Variants in THADA observed in about 807,000 individuals in gnomAD.
The protein encoded by THADA is THADA armadillo repeat containing, also known as tRNA (32-2'-O)-methyltransferase regulator THADA.
THADA carries 213 observed loss-of-function variants against 219.8 expected under a neutral mutation model. The observed-to-expected ratio is 0.97, with a 90% CI of 0.87 to 1.09. THADA has a LOEUF of 1.09. Ranked by LOEUF, THADA falls within the 50% of genes least tolerant of loss-of-function variation. The pLI, the probability that THADA is intolerant of heterozygous loss-of-function variation, is 0.00. For missense variants in THADA, 2,956 were observed against 2,311.3 expected (o/e 1.28, Z -5.72); for synonymous variants, 1,018 against 828.9 (o/e 1.23, Z -3.92).
intron 4 of THADA, 113 bp from the exon 5 acceptor site, chr2:43,587,115 G>T: frequency 9.0e-7 from 1 of 1,110,226 alleles, no homozygotes; most frequent in Non-Finnish European, 1.3e-6. Flanking sequence ...TCAAAATACA[G>T]CCAGAAAACT....
intron 30 of THADA, among the ~76,000 whole-genome samples, chr2:43,338,951 A>G (rs559167106): frequency 3.3e-5 from 5 of 152,340 alleles, no homozygotes; most frequent in African/African-American, 1.2e-4. Flanking sequence ...TAGCTGTATC[A>G]CAAAGAGTTT....
intron 29 of THADA, among the ~76,000 whole-genome samples, chr2:43,356,235 G>C (rs1408020865): frequency 2.0e-5 from 3 of 152,242 alleles, no homozygotes; most frequent in Admixed American, 1.3e-4. Flanking sequence ...TTTGGGAAAT[G>C]ATATAGTTGG....
At chr2:43,496,808 C>A (rs963904980) in intron 25 of THADA, among the ~76,000 whole-genome samples, 1 of 152,076 alleles carries the variant, frequency 6.6e-6, no homozygotes, top group African/African-American at 2.4e-5. Flanking sequence ...ATATGATATA[C>A]CCAAAAGAAC....
intron 26 of THADA, among the ~76,000 whole-genome samples, chr2:43,444,905 A>G (rs1681324760): frequency 6.6e-6 from 1 of 152,222 alleles, no homozygotes; most frequent in African/African-American, 2.4e-5. Context: ...ACAGTAGTAA[A>G]GGTGTGGGTT....
chr2:43,316,620 G>A (rs527720415), intron 31 of THADA, among the ~76,000 whole-genome samples: 13 of 152,292 alleles, frequency 8.5e-5, no homozygotes, highest in African/African-American at 2.4e-4. Context: ...TAGATGCATA[G>A]CTTCCAGCGA....
intron 16 of THADA, among the ~76,000 whole-genome samples, 161 bp from the exon 17 acceptor site, chr2:43,556,716 G>C (rs1697395975): frequency 6.6e-6 from 1 of 152,078 alleles, no homozygotes; most frequent in South Asian, 2.1e-4. Context: ...CTTGAGGCCA[G>C]GAGCTCAAGA....
At chr2:43,365,982 C>T (rs1157685004) in intron 29 of THADA, among the ~76,000 whole-genome samples, 1 of 152,124 alleles carries the variant, frequency 6.6e-6, no homozygotes, top group Non-Finnish European at 1.5e-5. Flanking sequence ...GGAGCAGGGT[C>T]TAAAGCAAGT....
intron 31 of THADA, among the ~76,000 whole-genome samples, chr2:43,293,532 T>A (rs555146708): frequency 1.3e-5 from 2 of 152,268 alleles, no homozygotes; most frequent in Admixed American, 1.3e-4. Context: ...AAGCTGACCA[T>A]GAGAAGAGGA....
intron 21 of THADA, among the ~76,000 whole-genome samples, chr2:43,539,883 A>C (rs1189780362): frequency 6.6e-6 from 1 of 152,174 alleles, no homozygotes; most frequent in Non-Finnish European, 1.5e-5. Flanking sequence ...TAAATACATA[A>C]GATTTGGGTG....
intron 36 of THADA, among the ~76,000 whole-genome samples, chr2:43,255,985 G>T (rs761350643): frequency 2.0e-5 from 3 of 152,152 alleles, no homozygotes; most frequent in African/African-American, 7.2e-5. Flanking sequence ...ACCATTAGGT[G>T]AACTATTGAA....
At chr2:43,396,810 CAA>C (rs1201330546) in intron 29 of THADA, among the ~76,000 whole-genome samples, 3 of 146,048 alleles carry the variant, frequency 2.1e-5, no homozygotes, top group Non-Finnish European at 4.5e-5. Flanking sequence ...GACCCTGTCT[CAA>C]AAAAAAAGAA....
At position 43,293,126 on chromosome 2, in the gene THADA, A is replaced by G. The variant is rs766629856; in HGVS notation, c.4526T>C (p.Val1509Ala). The G allele has an allele frequency of 7.4e-6, 12 of 1,614,000 alleles. No homozygotes were observed. The Admixed American group carries it at 2.0e-4, about 27-fold the overall frequency. The stretch of plus-strand genomic sequence containing the variant: ...CTGGAGGTACTGGGGCAGGCCTGGC[A>G]CCTTGAAGGCCCAAGGGAATCCCGT... ...LITGFPWAFK[V>A]PGLPQYLQSL... Residue 1509 changes from valine to alanine, a missense_variant, in exon 32 of 38, where the codon GTG becomes GCG. Physicochemically the swap from Val to Ala is moderately conservative, Grantham distance 64. Coordinates refer to ENST00000405975, the MANE Select transcript of THADA (RefSeq NM_022065.5).
chr2:43,301,673 T>A (rs1453460898), intron 31 of THADA, among the ~76,000 whole-genome samples: 1 of 152,198 alleles, frequency 6.6e-6, no homozygotes, highest in Non-Finnish European at 1.5e-5. Context: ...GAAAGCACAT[T>A]ACATTAATCT....
chr2:43,567,960 G>A (rs1399751924), intron 14 of THADA, among the ~76,000 whole-genome samples: 1 of 152,040 alleles, frequency 6.6e-6, no homozygotes, highest in Non-Finnish European at 1.5e-5. Flanking sequence ...TCACATCAGT[G>A]AATTCACCAT....
chr2:43,530,287 C>T (rs1324679260), intron 21 of THADA, among the ~76,000 whole-genome samples: 2 of 152,106 alleles, frequency 1.3e-5, no homozygotes, highest in East Asian at 3.9e-4. Context: ...TGTCAAGAGC[C>T]ACAGTCAGGT....
At chr2:43,593,991 G>A (rs913709372) in intron 1 of THADA, among the ~76,000 whole-genome samples, 10 of 152,160 alleles carry the variant, frequency 6.6e-5, no homozygotes, top group Non-Finnish European at 8.8e-5. Flanking sequence ...CAGGGAAACA[G>A]ATTCCAGATC....
chr2:43,497,332 T>C (rs1374120430), intron 25 of THADA, among the ~76,000 whole-genome samples: 1 of 152,176 alleles, frequency 6.6e-6, no homozygotes, highest in East Asian at 1.9e-4. Flanking sequence ...GTAGTACATA[T>C]ACACCATGGA....
intron 26 of THADA, among the ~76,000 whole-genome samples, chr2:43,461,142 T>C (rs1011638633): frequency 2.9e-4 from 44 of 152,196 alleles, no homozygotes; most frequent in African/African-American, 9.9e-4. Flanking sequence ...TCTCAAACAC[T>C]GGAAAGCTAC....
chr2:43,312,157 TG>T (rs1381388815), intron 31 of THADA, among the ~76,000 whole-genome samples: 1 of 149,848 alleles, frequency 6.7e-6, no homozygotes, highest in Non-Finnish European at 1.5e-5. Flanking sequence ...AGGTTGAGGC[TG>T]CAGCGAGCCA....
Sources: allele counts gnomAD v4.1 joint callset (sites outside exome capture counted in the v4.1 genomes callset), GRCh38; gene constraint gnomAD v4.1.1; transcripts MANE v1.5; gene names NCBI Gene and HGNC (gene_info 2026-07-23, HGNC 2026-07-21).